Variants in CACNA2D1 observed in about 807,000 individuals in gnomAD.
CACNA2D1 encodes the protein voltage-dependent calcium channel subunit alpha-2/delta-1.
In CACNA2D1, 53 loss-of-function variants were observed where a neutral mutation model predicts 171.5. The ratio of observed to expected loss-of-function variants is 0.31; its 90% CI spans 0.25 to 0.39. The LOEUF (loss-of-function observed/expected upper bound fraction) is 0.39, where lower values mean the gene tolerates loss of function less well. CACNA2D1 is among the 10% of genes least tolerant of loss of function. CACNA2D1 has a pLI of 1.00. For synonymous variants in CACNA2D1, 442 were observed against 443.1 expected, an observed-to-expected ratio of 1.00 and a Z score of 0.03; for missense variants, 903 against 1,299.8, an observed-to-expected ratio of 0.69 and a Z score of 4.69.
At chr7:82,185,506 G>A (rs1306549259) in intron 3 of CACNA2D1, among the ~76,000 whole-genome samples, 1 of 32,674 alleles carries the variant, frequency 3.1e-5, no homozygotes, top group African/African-American at 1.1e-4. Context: ...AGGGGAGGGG[G>A]AGGGGGAGGA....
chr7:82,224,761 A>G (rs1802173996), intron 3 of CACNA2D1, among the ~76,000 whole-genome samples: 1 of 152,140 alleles, frequency 6.6e-6, no homozygotes, highest in Admixed American at 6.6e-5. Context: ...CTCTCCACAT[A>G]GCATCTGGGT....
chr7:82,186,901 C>T (rs538820691), intron 3 of CACNA2D1, among the ~76,000 whole-genome samples: 63 of 152,142 alleles, frequency 4.1e-4, no homozygotes, highest in Non-Finnish European at 5.9e-4. Context: ...TAAAAAATAA[C>T]GATAACAATG....
At chr7:82,388,995 A>C (rs1274129788) in intron 1 of CACNA2D1, among the ~76,000 whole-genome samples, 1 of 151,844 alleles carries the variant, frequency 6.6e-6, no homozygotes, top group African/African-American at 2.4e-5. Context: ...ACACACCTGT[A>C]ATCCCAGCTA....
At chr7:82,196,589 T>C (rs1798877507) in intron 3 of CACNA2D1, among the ~76,000 whole-genome samples, 1 of 152,004 alleles carries the variant, frequency 6.6e-6, no homozygotes, top group Non-Finnish European at 1.5e-5. Context: ...GGTCTGTTTG[T>C]AGATTTGTTT....
At chr7:82,413,963 G>C (rs1827929489) in intron 1 of CACNA2D1, among the ~76,000 whole-genome samples, 1 of 152,060 alleles carries the variant, frequency 6.6e-6, no homozygotes, top group Admixed American at 6.6e-5. Flanking sequence ...AATAATCTGA[G>C]ATGTAATAAT....
intron 3 of CACNA2D1, among the ~76,000 whole-genome samples, chr7:82,213,050 A>AC (rs200756777): frequency 0.085 from 12,867 of 151,862 alleles, 728 homozygotes; most frequent in Non-Finnish European, 0.11. Flanking sequence ...ACTGGTGCCC[A>AC]CACCACGCCC....
chr7:82,160,866 G>C lies in CACNA2D1; in HGVS notation c.354+9684C>G, dbSNP rs148533086. The stretch of plus-strand genomic sequence containing the variant: ...CTGACTAAAAATCTTATTTGCCTAT[G>C]TGTATGCTGGGTCACTATTGTAGGG... On this transcript the variant is annotated intron_variant, in intron 4 of 38. Transcript: ENST00000356860. 1.8e-4 allele frequency among the ~76,000 whole-genome samples: 27 copies of C among 152,110 alleles called. No homozygotes were observed. In the East Asian group the frequency reaches 5.2e-3, roughly 29 times the overall value.
intron 4 of CACNA2D1, among the ~76,000 whole-genome samples, chr7:82,145,689 C>A (rs1792947586): frequency 6.8e-6 from 1 of 147,798 alleles, no homozygotes; most frequent in Non-Finnish European, 1.5e-5. Flanking sequence ...CACACACATT[C>A]TGTATATATA....
intron 1 of CACNA2D1, among the ~76,000 whole-genome samples, chr7:82,375,609 C>T (rs571531882): frequency 6.6e-6 from 1 of 152,310 alleles, no homozygotes; most frequent in African/African-American, 2.4e-5. Context: ...TCAGGCACTG[C>T]TTTCAACACT....
At chr7:82,175,011 T>C (rs189051789) in intron 3 of CACNA2D1, among the ~76,000 whole-genome samples, 41 of 152,172 alleles carry the variant, frequency 2.7e-4, no homozygotes, top group African/African-American at 9.6e-4. Context: ...TTATACAGTA[T>C]ATAAAGATAT....
At chr7:82,229,614 A>C (rs1443328053) in intron 3 of CACNA2D1, among the ~76,000 whole-genome samples, 1 of 152,074 alleles carries the variant, frequency 6.6e-6, no homozygotes, top group Non-Finnish European at 1.5e-5. Context: ...TTCTCATGCC[A>C]ACAATCCCAA....
rs1554336413 is a variant in CACNA2D1, at chr7:81,978,753, G to GTATATA, written c.1955+3808_1955+3813dup. On this transcript the variant is annotated intron_variant, in intron 24 of 38. Transcript: ENST00000356860. ...TTAAAGTAAATTTTTTTTAAAAAGT[G>GTATATA]TATATATATATATATATACACACAC... is the stretch of plus-strand genomic sequence containing the variant. Among the ~76,000 whole-genome samples the GTATATA allele has an allele frequency of 3.8e-3, 529 of 139,456 alleles. 3 individuals are homozygous for GTATATA. The highest frequency in any genetic ancestry group is 0.014 in the African/African-American group (508 of 36,984). 91.5% of individuals were successfully genotyped at this position (139,456 alleles called of 152,430 possible).
chr7:82,440,310 G>A (rs1418472639), intron 1 of CACNA2D1, among the ~76,000 whole-genome samples: 4 of 151,598 alleles, frequency 2.6e-5, no homozygotes, highest in African/African-American at 9.7e-5. Context: ...CTAAAATTAA[G>A]GACAAATTTA....
chr7:82,281,242 T>C (rs1451214126), intron 3 of CACNA2D1, among the ~76,000 whole-genome samples: 1 of 152,204 alleles, frequency 6.6e-6, no homozygotes, highest in East Asian at 1.9e-4. Context: ...ATAAGACTGC[T>C]CTTGAACCAG....
intron 24 of CACNA2D1, among the ~76,000 whole-genome samples, chr7:81,980,171 G>GAAAAAAAA (rs1218127441): frequency 1.8e-4 from 1 of 5,574 alleles, no homozygotes. Flanking sequence ...CTAAAACCAA[G>GAAAAAAAA]CAAAAAAAAA....
intron 3 of CACNA2D1, among the ~76,000 whole-genome samples, chr7:82,291,988 T>A (rs1811696448): frequency 6.6e-6 from 1 of 150,820 alleles, no homozygotes; most frequent in East Asian, 2.0e-4. Context: ...CACACATACA[T>A]ACACACATGC....
At chr7:82,187,307 A>G (rs779955606) in intron 3 of CACNA2D1, among the ~76,000 whole-genome samples, 30 of 152,178 alleles carry the variant, frequency 2.0e-4, no homozygotes, top group Non-Finnish European at 4.1e-4. Flanking sequence ...AAAACTGTAC[A>G]GAAAAATTTT....
intron 28 of CACNA2D1, 29 bp from the exon 29 acceptor site, chr7:81,969,002 C>G (rs1794997813): frequency 8.6e-7 from 1 of 1,161,824 alleles, no homozygotes; most frequent in Admixed American, 1.7e-5. Context: ...AATAAAACAC[C>G]TATCAAGATA....
intron 5 of CACNA2D1, among the ~76,000 whole-genome samples, chr7:82,129,517 T>G (rs1457705538): frequency 6.6e-6 from 1 of 152,210 alleles, no homozygotes; most frequent in African/African-American, 2.4e-5. Context: ...CAATTCACAT[T>G]GTCAAATTTG....
Sources: gnomAD v4.1 joint callset for allele counts (sites outside exome capture counted in the v4.1 genomes callset) on GRCh38, gnomAD v4.1.1 for gene constraint, MANE v1.5 for transcripts, NCBI Gene and HGNC (gene_info 2026-07-23, HGNC 2026-07-21) for gene names.